STARD9: variants seen among roughly 807,000 people sequenced by gnomAD.
STARD9 encodes StAR related lipid transfer domain containing 9, also known as stAR-related lipid transfer protein 9.
STARD9 carries 346 observed loss-of-function variants against 399.8 expected under a neutral mutation model. That is an observed-to-expected ratio of 0.87 (90% CI 0.79 to 0.95). STARD9 has a LOEUF of 0.95. STARD9 is among the 40% of genes least tolerant of loss of function. The pLI is 0.00. For missense variants in STARD9, 5,832 were observed against 5,667.5 expected (o/e 1.03, Z -0.93); for synonymous variants, 2,203 against 2,143.5 (o/e 1.03, Z -0.77).
chr15:42,665,470 AAC>A lies in STARD9; in HGVS notation c.1254+142_1254+143del, dbSNP rs1358278641. The A allele has an allele frequency of 2.1e-4, 149 of 714,920 alleles. 1 individual carries two copies. Among genetic ancestry groups the A allele is most frequent in the Non-Finnish European group, 1.6e-5 (7 of 436,600 alleles). 44.3% of individuals were successfully genotyped at this position (714,920 alleles called of 1,614,324 possible). A position where few individuals can be genotyped will look rare whatever the true frequency, so the allele number is the denominator to read the frequency against. Reference sequence around the variant, plus strand: ...ACGGCAGAGACAGGAGCAAAGACAAAACAGAGATTTCTCTGATTTCTCAGTGT... The same window carrying A: ...ACGGCAGAGACAGGAGCAAAGACAAAAGAGATTTCTCTGATTTCTCAGTGT... On this transcript the variant is annotated intron_variant, in intron 14 of 32. Coordinates refer to ENST00000290607, the MANE Select transcript of STARD9 (RefSeq NM_020759.3).
intron 28 of STARD9, 38 bp from the exon 29 acceptor site, chr15:42,717,693 T>C (rs1182900901): frequency 2.6e-6 from 4 of 1,528,506 alleles, no homozygotes; most frequent in African/African-American, 1.4e-5. Context: ...TAGTTTTTAC[T>C]GTGCCTCCTA....
At chr15:42,621,767 C>G (rs2059098137) in intron 3 of STARD9, among the ~76,000 whole-genome samples, 5 of 152,174 alleles carry the variant, frequency 3.3e-5, no homozygotes, top group Non-Finnish European at 4.4e-5. Flanking sequence ...TGCAAGGAGA[C>G]AGCTTTAGGC....
rs768944034 is a variant in STARD9, at chr15:42,695,726, T to C, written c.13147-17T>C. 165 of 1,535,110 alleles carry C rather than the reference T, an allele frequency of 1.1e-4. No individual in the cohort carries two copies. The highest frequency in any genetic ancestry group is 1.4e-4 in the Non-Finnish European group (160 of 1,145,752). On this transcript the variant is annotated splice_polypyrimidine_tract_variant and intron_variant, in intron 25 of 32. Transcript: ENST00000290607. ...GGGTGCATCAGAAGCTGGTTAATGG[T>C]GATTTGTCCTTCCCAGGAAGAGGAT...
intron 32 of STARD9, 139 bp from the exon 33 acceptor site, chr15:42,719,334 C>T (rs2061410269): frequency 1.6e-6 from 1 of 621,480 alleles, no homozygotes; most frequent in East Asian, 2.7e-5. Context: ...TGGCAGAGCC[C>T]AGGGGCCTGT....
Position 42,694,315 on chromosome 15 carries a change from C to A in STARD9, c.12737C>A (p.Thr4246Lys). ...GEALAADEPV[T>K]STWKELYARQ... Reference sequence around the variant, plus strand: ...GCGCTTGCTGCTGATGAACCTGTGACATCCACCTGGAAGGAGCTCTATGCA... The same window carrying A: ...GCGCTTGCTGCTGATGAACCTGTGAAATCCACCTGGAAGGAGCTCTATGCA... Residue 4246 changes from threonine (T) to lysine (K), a missense_variant, in exon 23 of 33, where the codon ACA (threonine) becomes AAA (lysine). Transcript: ENST00000290607. 1 of 1,519,380 alleles carries A rather than the reference C, an allele frequency of 6.6e-7. No homozygotes were observed. Among genetic ancestry groups the A allele is most frequent in the South Asian group, 1.2e-5 (1 of 81,248 alleles). The allele number at this position is 1,519,380 out of a possible 1,614,324, so 94.1% of individuals were successfully genotyped here. A position where few individuals can be genotyped will look rare whatever the true frequency, so the allele number is the denominator to read the frequency against.
chr15:42,612,040 C>T (rs1244028110), intron 3 of STARD9, among the ~76,000 whole-genome samples: 1 of 152,166 alleles, frequency 6.6e-6, no homozygotes, highest in Non-Finnish European at 1.5e-5. Flanking sequence ...ACAATCATGG[C>T]TCACTGCAGC....
intron 30 of STARD9, 72 bp from the exon 31 acceptor site, chr15:42,718,363 C>G: frequency 1.5e-6 from 2 of 1,358,580 alleles, no homozygotes; most frequent in Non-Finnish European, 2.0e-6. Flanking sequence ...GGGGAGGGCT[C>G]CCTGACCAGG....
intron 3 of STARD9, among the ~76,000 whole-genome samples, chr15:42,632,346 C>T (rs542558156): frequency 6.6e-6 from 1 of 152,080 alleles, no homozygotes; most frequent in South Asian, 2.1e-4. Context: ...AATGTGTTTC[C>T]TGTAGGCAGC....
chr15:42,669,167 C>A lies in STARD9; in HGVS notation c.1327C>A (p.Leu443Met), dbSNP rs867837644. ...TCCTATACCTCTGCAGATAGACCAG[C>A]TGACTAAAGACTGGACCCAGAAGTG... is the stretch of plus-strand genomic sequence containing the variant. ...VLQNELKIDQ[L>M]TKDWTQKWND... Residue 443 changes from leucine (L) to methionine (M), a missense_variant, in exon 16 of 33, where the codon CTG (leucine) becomes ATG (methionine). By Grantham distance (15) the Leu-to-Met change is conservative (BLOSUM62 2). Transcript: ENST00000290607. 6.5e-7 allele frequency: 1 copy of A among 1,533,068 alleles called. No homozygotes were observed. Among genetic ancestry groups the A allele is most frequent in the African/African-American group, 1.4e-5 (1 of 72,980 alleles). The allele number at this position is 1,533,068 out of a possible 1,614,324, so 95.0% of individuals were successfully genotyped here.
At chr15:42,660,008 A>G (rs1236670758) in intron 9 of STARD9, among the ~76,000 whole-genome samples, 2 of 152,256 alleles carry the variant, frequency 1.3e-5, no homozygotes, top group Non-Finnish European at 2.9e-5. Context: ...GTATATCCAC[A>G]CAATGGAATA....
intron 15 of STARD9, among the ~76,000 whole-genome samples, chr15:42,666,432 G>A (rs561226773): frequency 2.0e-5 from 3 of 152,272 alleles, no homozygotes; most frequent in African/African-American, 7.2e-5. Flanking sequence ...CATTGGGTGA[G>A]GGAGGGATAA....
intron 20 of STARD9, among the ~76,000 whole-genome samples, chr15:42,677,089 TAAAAAA>T (rs869040683): frequency 0.051 from 2,738 of 53,478 alleles, 54 homozygotes; most frequent in Non-Finnish European, 0.072. Flanking sequence ...CGTCTCTACT[TAAAAAA>T]AAAAAAAAAA....
chr15:42,678,641 C>T (rs1335934969), intron 20 of STARD9, among the ~76,000 whole-genome samples: 1 of 152,130 alleles, frequency 6.6e-6, no homozygotes, highest in Middle Eastern at 3.2e-3. Context: ...TGCCAGACCC[C>T]GAGGCTGGGG....
intron 1 of STARD9, among the ~76,000 whole-genome samples, chr15:42,578,311 A>C (rs932074687): frequency 7.2e-5 from 11 of 151,994 alleles, no homozygotes; most frequent in African/African-American, 2.7e-4. Flanking sequence ...GGGTTTCACC[A>C]TGTTGGCCAG....
In STARD9 at chr15:42,691,025, G is replaced by A. The variant is rs1429566249; in HGVS notation, c.9447G>A (p.Gly3149=). ...CACACACCCTGGATTTAAGTGAAGG[G>A]TCTGCTGAGAGCAAGTTGGTGGTAG... The part of the protein sequence containing the change: ...QGPHTLDLSE[G]SAESKLVVEP... Residue 3149 remains glycine (G), a synonymous_variant, in exon 23 of 33, where the codon GGG becomes GGA. Transcript: ENST00000290607. 1 of 1,537,232 alleles carries A rather than the reference G, an allele frequency of 6.5e-7. No individual in the cohort carries two copies. Among genetic ancestry groups the A allele is most frequent in the Admixed American group, 2.0e-5 (1 of 51,008 alleles).
intron 26 of STARD9, among the ~76,000 whole-genome samples, chr15:42,704,717 C>G (rs1476063495): frequency 6.6e-6 from 1 of 152,170 alleles, no homozygotes; most frequent in Non-Finnish European, 1.5e-5. Context: ...GAACCAGGTG[C>G]TGGTTTTGTT....
At chr15:42,629,466 T>A (rs1254242716) in intron 3 of STARD9, among the ~76,000 whole-genome samples, 1 of 152,258 alleles carries the variant, frequency 6.6e-6, no homozygotes, top group Non-Finnish European at 1.5e-5. Context: ...TTTTTGTATG[T>A]TGATTTTGTA....
At chr15:42,600,245 G>T (rs1378221285) in intron 3 of STARD9, among the ~76,000 whole-genome samples, 1 of 152,196 alleles carries the variant, frequency 6.6e-6, no homozygotes, top group African/African-American at 2.4e-5. Context: ...GTTGAGTCCA[G>T]CCTATATAGG....
chr15:42,702,761 G>A (rs1045076432), intron 26 of STARD9, among the ~76,000 whole-genome samples: 3 of 152,186 alleles, frequency 2.0e-5, no homozygotes, highest in Non-Finnish European at 1.5e-5. Flanking sequence ...GTCTGGGAAA[G>A]TCTTTCCTCT....
Sources: gnomAD v4.1 joint callset for allele counts (sites outside exome capture counted in the v4.1 genomes callset) on GRCh38, gnomAD v4.1.1 for gene constraint, MANE v1.5 for transcripts, NCBI Gene and HGNC (gene_info 2026-07-23, HGNC 2026-07-21) for gene names.